NMT1: variants seen among roughly 807,000 people sequenced by gnomAD.
The protein encoded by NMT1 is glycylpeptide N-tetradecanoyltransferase 1.
In NMT1, 12 loss-of-function variants were observed where a neutral mutation model predicts 63.4. The observed-to-expected ratio is 0.19, with a 90% CI of 0.12 to 0.31. The LOEUF (loss-of-function observed/expected upper bound fraction) is 0.31. Among genes scored for constraint, NMT1 ranks in the 10% least tolerant of loss-of-function variants. The probability of loss-of-function intolerance (pLI) is 1.00; values close to 1 mark genes in which losing one functional copy is unlikely to be tolerated. For synonymous variants in NMT1, 228 were observed against 234.3 expected, an observed-to-expected ratio of 0.97 and a Z score of 0.25; for missense variants, 432 against 634.6, an observed-to-expected ratio of 0.68 and a Z score of 3.43.
At chr17:45,064,903 G>T (rs2053891651) in intron 1 of NMT1, among the ~76,000 whole-genome samples, 1 of 152,084 alleles carries the variant, frequency 6.6e-6, no homozygotes, top group Non-Finnish European at 1.5e-5. Flanking sequence ...GAGTTGTAGG[G>T]ATTAATGAGA....
At chr17:45,091,873 T>G (rs554034990) in intron 3 of NMT1, among the ~76,000 whole-genome samples, 1 of 152,098 alleles carries the variant, frequency 6.6e-6, no homozygotes, top group South Asian at 2.1e-4. Context: ...AAAATAAAAT[T>G]AGCCAGGCGT....
Position 45,105,549 on chromosome 17 carries a change from G to GA in NMT1, c.1471-69dup, listed in dbSNP as rs1478132994. 2.1e-4 allele frequency: 337 copies of GA among 1,571,706 alleles called. 5 individuals carry two copies. In the East Asian group the frequency reaches 7.5e-3, roughly 35 times the overall value. On this transcript the variant is annotated intron_variant, in intron 11 of 11. Transcript: ENST00000258960. The surrounding 1 kb of genome is among the most constrained non-coding windows in gnomAD (Gnocchi z 4.2). ...GGGCCCAGCCACTCGGAACTTCAGGGATAGGGGGTGTGGGAGAGTCTTTGG... is the reference window on the plus strand; with the variant it reads ...GGGCCCAGCCACTCGGAACTTCAGGGAATAGGGGGTGTGGGAGAGTCTTTGG...
intron 3 of NMT1, among the ~76,000 whole-genome samples, chr17:45,092,266 A>G (rs2054093297): frequency 6.6e-6 from 1 of 152,140 alleles, no homozygotes; most frequent in Non-Finnish European, 1.5e-5. Flanking sequence ...TGGCATGGTC[A>G]CTGAGTCACT....
chr17:45,070,048 C>T (rs2053929732), intron 1 of NMT1, among the ~76,000 whole-genome samples: 1 of 152,104 alleles, frequency 6.6e-6, no homozygotes, highest in African/African-American at 2.4e-5. Context: ...ACACATTTGT[C>T]TCATTCCGGT....
In NMT1 at chr17:45,105,068, T is replaced by C; in HGVS notation, c.1470+72T>C. ...CATGTCTCCAGCAGAAACCGGGCCA[T>C]GGGTTGAGGAGACAGCCGCAGTCTG... On this transcript the variant is annotated intron_variant, in intron 11 of 11. Coordinates refer to ENST00000258960, the MANE Select transcript of NMT1 (RefSeq NM_021079.5). This position sits in a 1 kb window ranked among gnomAD's most constrained non-coding sequence, Gnocchi z 4.2. 6.3e-7 allele frequency: 1 copy of C among 1,595,346 alleles called. No individual in the cohort carries two copies. Among genetic ancestry groups the C allele is most frequent in the Non-Finnish European group, 8.6e-7 (1 of 1,167,996 alleles).
intron 1 of NMT1, among the ~76,000 whole-genome samples, chr17:45,062,614 C>G (rs2053872444): frequency 6.6e-6 from 1 of 152,132 alleles, no homozygotes; most frequent in Non-Finnish European, 1.5e-5. Context: ...AAATACTTAC[C>G]ATTGTATTAT....
In NMT1 at chr17:45,104,194, C is replaced by T. The variant is rs936121202; in HGVS notation, c.1332+318C>T. 1.2e-5 allele frequency: 15 copies of T among 1,259,652 alleles called. No individual in the cohort carries two copies. Among genetic ancestry groups the T allele is most frequent in the African/African-American group, 3.1e-5 (2 of 65,306 alleles). The allele number at this position is 1,259,652 out of a possible 1,614,324, so 78.0% of individuals were successfully genotyped here. On this transcript the variant is annotated intron_variant, in intron 10 of 11. Coordinates refer to ENST00000258960, the MANE Select transcript of NMT1 (RefSeq NM_021079.5). This position sits in a 1 kb window ranked among gnomAD's most constrained non-coding sequence, Gnocchi z 4.2. ...GGGCTTCTCCTCACAGCTTTCCCAG[C>T]GTGGGAAAGGGGTGATTGCTGTCTG... is the stretch of plus-strand genomic sequence containing the variant.
chr17:45,063,887 C>T (rs117846333), intron 1 of NMT1, among the ~76,000 whole-genome samples: 7 of 150,402 alleles, frequency 4.7e-5, no homozygotes, highest in Non-Finnish European at 8.9e-5. Flanking sequence ...TAGAGCAAAG[C>T]CCTGTCTCAG....
At position 45,061,367 on chromosome 17, in the gene NMT1, C is replaced by G; in HGVS notation, c.38C>G (p.Ala13Gly). The change falls in exon 1 of 12, where the codon GCA becomes GGA. Residue 13 changes from alanine (A) to glycine (G), a missense_variant. This residue lies in a region of NMT1 where 121 missense variants were observed against 103.7 expected (regional missense o/e 1.17). Coordinates refer to ENST00000258960, the MANE Select transcript of NMT1 (RefSeq NM_021079.5). ...DESETAVKPP[A>G]PPLPQMMEGN... ...AGTGAGACAGCAGTGAAGCCGCCGGCACCTCCGCTGCCGCAGATGATGGAA... is the reference window on the plus strand; with the variant it reads ...AGTGAGACAGCAGTGAAGCCGCCGGGACCTCCGCTGCCGCAGATGATGGAA... The G allele has an allele frequency of 1.2e-6, 2 of 1,613,978 alleles. No individual in the cohort carries two copies. The highest frequency in any genetic ancestry group is 2.2e-5 in the East Asian group (1 of 44,882).
intron 2 of NMT1, among the ~76,000 whole-genome samples, chr17:45,085,006 G>C (rs917791311): frequency 4.6e-5 from 7 of 151,950 alleles, no homozygotes; most frequent in African/African-American, 1.7e-4. Flanking sequence ...CCAGCATTTT[G>C]GGAGGCTGAG....
At chr17:45,096,144 G>T (rs1454208928) in intron 4 of NMT1, 50 bp from the exon 5 acceptor site, 14 of 1,401,266 alleles carry the variant, frequency 1.0e-5, no homozygotes, top group Non-Finnish European at 1.4e-5. Flanking sequence ...ATTGGAGTTG[G>T]TCTACTACCT....
At chr17:45,102,901 A>T in intron 8 of NMT1, 50 bp from the exon 9 acceptor site, 1 of 1,547,076 alleles carries the variant, frequency 6.5e-7, no homozygotes, top group Non-Finnish European at 8.8e-7. Context: ...CCATGGATAG[A>T]TCCAGGGTGA....
Position 45,103,566 on chromosome 17 carries a change from TC to T in NMT1, c.1165-139del. On this transcript the variant is annotated intron_variant, in intron 9 of 11. Coordinates refer to ENST00000258960, the MANE Select transcript of NMT1 (RefSeq NM_021079.5). This position sits in a 1 kb window ranked among gnomAD's most constrained non-coding sequence, Gnocchi z 4.8. ...TGCCCTGAGCCAATGTCCCTCCTCC[TC>T]CCCACATGTCCTGTTGCAGTTTCCA... The T allele has an allele frequency of 1.2e-6, 1 of 840,530 alleles. No individual in the cohort carries two copies. The highest frequency in any genetic ancestry group is 1.9e-6 in the Non-Finnish European group (1 of 532,468). 52.1% of individuals were successfully genotyped at this position (840,530 alleles called of 1,614,324 possible).
At position 45,104,138 on chromosome 17, in the gene NMT1, C is replaced by A. The variant is rs750353554; in HGVS notation, c.1332+262C>A. ...TCTCACAGGAGGCGCCACCAAGGAG[C>A]CTGAATAGCCAGGCCTTCCCTGGGA... On this transcript the variant is annotated intron_variant, in intron 10 of 11. Transcript: ENST00000258960. This position sits in a 1 kb window ranked among gnomAD's most constrained non-coding sequence, Gnocchi z 4.2. 2.9e-6 allele frequency: 4 copies of A among 1,367,292 alleles called. No homozygotes were observed. The highest frequency in any genetic ancestry group is 3.1e-5 in the East Asian group (1 of 32,424). The allele number at this position is 1,367,292 out of a possible 1,614,324, so 84.7% of individuals were successfully genotyped here.
chr17:45,065,623 C>CAAAA (rs397944011), intron 1 of NMT1, among the ~76,000 whole-genome samples: 9 of 81,646 alleles, frequency 1.1e-4, no homozygotes, highest in Admixed American at 2.8e-4. Flanking sequence ...GACTCTGTCT[C>CAAAA]AAAAAAAAAA....
At chr17:45,083,934 AG>A (rs1316144551) in intron 2 of NMT1, among the ~76,000 whole-genome samples, 1 of 152,222 alleles carries the variant, frequency 6.6e-6, no homozygotes, top group Non-Finnish European at 1.5e-5. Flanking sequence ...ATAAACTGCA[AG>A]GGGAAGAAAA....
At chr17:45,089,811 A>G (rs1041588598) in intron 3 of NMT1, among the ~76,000 whole-genome samples, 2 of 145,722 alleles carry the variant, frequency 1.4e-5, no homozygotes, top group Non-Finnish European at 3.0e-5. Flanking sequence ...CTAATTTTTA[A>G]ATTTTTTGTG....
At chr17:45,093,604 G>C (rs1472152673) in intron 3 of NMT1, 81 bp from the exon 4 acceptor site, 1 of 1,099,518 alleles carries the variant, frequency 9.1e-7, no homozygotes, top group Non-Finnish European at 1.3e-6. Context: ...GGAGGAATTT[G>C]CTCTGGTTGA....
intron 1 of NMT1, among the ~76,000 whole-genome samples, chr17:45,069,273 ATTATTTATTTAT>A (rs1555604551): frequency 4.2e-4 from 58 of 137,676 alleles, no homozygotes; most frequent in African/African-American, 1.3e-3. Context: ...TTTATTTTTT[ATTATTTATTTAT>A]TTATTTATTT....
Sources: gnomAD v4.1 joint callset for allele counts (sites outside exome capture counted in the v4.1 genomes callset) on GRCh38, gnomAD v4.1.1 for gene constraint, gnomAD v4.1.1 regional missense constraint, Gnocchi (gnomAD v3.1) non-coding constraint, MANE v1.5 for transcripts, NCBI Gene and HGNC (gene_info 2026-07-23, HGNC 2026-07-21) for gene names.